DENND1A: variants seen among roughly 807,000 people sequenced by gnomAD.
DENND1A encodes the protein DENN domain containing 1A.
A neutral mutation model predicts 113.7 loss-of-function variants in DENND1A; 51 were observed. That is an observed-to-expected ratio of 0.45 (90% CI 0.36 to 0.57). DENND1A has a LOEUF of 0.57. Ranked by LOEUF, DENND1A falls within the 20% of genes least tolerant of loss-of-function variation. The pLI is 0.00. For missense variants in DENND1A, 1,258 were observed against 1,395.9 expected (o/e 0.90, Z 1.57); for synonymous variants, 565 against 570.8 (o/e 0.99, Z 0.14).
intron 11 of DENND1A, among the ~76,000 whole-genome samples, chr9:123,609,047 CCTT>C (rs2060292748): frequency 6.6e-6 from 1 of 152,174 alleles, no homozygotes; most frequent in African/African-American, 2.4e-5. Context: ...ATTTTAATTT[CCTT>C]CTTCATGATT....
intron 1 of DENND1A, among the ~76,000 whole-genome samples, chr9:123,890,110 C>T (rs777547052): frequency 6.6e-6 from 1 of 152,144 alleles, no homozygotes; most frequent in African/African-American, 2.4e-5. Context: ...TTGTCAAAAC[C>T]GTGTCAGGTA....
At position 123,382,231 on chromosome 9, in the gene DENND1A, C is replaced by A; in HGVS notation, c.2414G>T (p.Arg805Met). Residue 805 changes from arginine to methionine, a missense_variant, in exon 24 of 24, where the codon AGG (arginine) becomes ATG (methionine). Arg to Met is a moderately conservative substitution (Grantham distance 91). Transcript: ENST00000394215. ...VSERLQTDRD[R>M]RAALSPGLLP... ...GAGCCCTGGACTCAGGGCAGCTCGC[C>A]TGTCCCGATCCGTCTGCAGCCGCTC... The A allele has an allele frequency of 6.2e-7, 1 of 1,609,534 alleles. No individual in the cohort carries two copies. The highest frequency in any genetic ancestry group is 8.5e-7 in the Non-Finnish European group (1 of 1,179,532).
chr9:123,398,760 G>A (rs1413296593), intron 21 of DENND1A, among the ~76,000 whole-genome samples: 3 of 151,076 alleles, frequency 2.0e-5, no homozygotes, highest in Non-Finnish European at 4.4e-5. Flanking sequence ...TTGGGGCCTC[G>A]CAGCTGTGCG....
chr9:123,561,199 G>A (rs1034966900), intron 12 of DENND1A, among the ~76,000 whole-genome samples: 2 of 152,102 alleles, frequency 1.3e-5, no homozygotes, highest in African/African-American at 2.4e-5. Flanking sequence ...TCTTTCATTC[G>A]GGAGGTGTTT....
intron 5 of DENND1A, among the ~76,000 whole-genome samples, chr9:123,732,157 T>G (rs959137748): frequency 1.3e-5 from 2 of 152,212 alleles, no homozygotes; most frequent in Non-Finnish European, 2.9e-5. Flanking sequence ...GAACATACGC[T>G]TGGCAACATA....
At chr9:123,403,799 G>T (rs1158733346) in intron 20 of DENND1A, among the ~76,000 whole-genome samples, 2 of 152,172 alleles carry the variant, frequency 1.3e-5, no homozygotes, top group African/African-American at 4.8e-5. Context: ...CCAATGAGAT[G>T]ATGTCTACAT....
intron 5 of DENND1A, among the ~76,000 whole-genome samples, chr9:123,720,768 T>A (rs764374396): frequency 1.3e-5 from 2 of 152,224 alleles, no homozygotes; most frequent in Non-Finnish European, 2.9e-5. Flanking sequence ...CCTGCTGCCA[T>A]CCAGCATGCG....
At chr9:123,922,736 T>A (rs550931109) in intron 1 of DENND1A, among the ~76,000 whole-genome samples, 6 of 152,294 alleles carry the variant, frequency 3.9e-5, no homozygotes, top group African/African-American at 9.6e-5. Context: ...GTTCCCTATA[T>A]CTGGAATGCC....
At chr9:123,631,557 G>A (rs1024248620) in intron 9 of DENND1A, among the ~76,000 whole-genome samples, 1 of 152,134 alleles carries the variant, frequency 6.6e-6, no homozygotes, top group Non-Finnish European at 1.5e-5. Context: ...CTTCCATGAT[G>A]GTTTCTACTG....
intron 13 of DENND1A, among the ~76,000 whole-genome samples, chr9:123,553,116 G>C (rs570878307): frequency 1.2e-4 from 19 of 152,208 alleles, no homozygotes; most frequent in Non-Finnish European, 2.4e-4. Flanking sequence ...AATTAGCTGA[G>C]TTCAGTGGCA....
chr9:123,757,002 T>C (rs1412730332), intron 5 of DENND1A, among the ~76,000 whole-genome samples: 1 of 152,078 alleles, frequency 6.6e-6, no homozygotes, highest in Non-Finnish European at 1.5e-5. Flanking sequence ...GAGGGGAGCA[T>C]GGGGGATGCC....
chr9:123,697,296 A>T (rs754311667), intron 5 of DENND1A, among the ~76,000 whole-genome samples: 9 of 152,222 alleles, frequency 5.9e-5, no homozygotes, highest in Non-Finnish European at 1.3e-4. Context: ...TAGTCATACA[A>T]GACAAAATTA....
chr9:123,617,671 A>G (rs768550917), intron 10 of DENND1A, among the ~76,000 whole-genome samples: 1 of 152,240 alleles, frequency 6.6e-6, no homozygotes, highest in Non-Finnish European at 1.5e-5. Flanking sequence ...AACATCAGGA[A>G]GGGCTCCGTG....
At chr9:123,674,367 CA>C (rs1352783491) in intron 6 of DENND1A, among the ~76,000 whole-genome samples, 2 of 151,294 alleles carry the variant, frequency 1.3e-5, no homozygotes, top group Non-Finnish European at 3.0e-5. Context: ...CACACACACA[CA>C]CACACACACA....
At position 123,457,864 on chromosome 9, in the gene DENND1A, C is replaced by G; in HGVS notation, c.1027G>C (p.Val343Leu). ...ATGGCTCCGGAGCGGTAGTGGGACA[C>G]GAAGGCTTCCTCACAGAAAGTGATC... ...EPITFCEEAF[V>L]SHYRSGAMRQ... Residue 343 changes from valine (V) to leucine (L), a missense_variant, in exon 14 of 24, where the codon GTG (valine) becomes CTG (leucine). Physicochemically the swap from Val to Leu is conservative, Grantham distance 32 (BLOSUM62 1). Coordinates refer to ENST00000394215, the MANE Select transcript of DENND1A (RefSeq NM_001352964.2). 1 of 1,612,548 alleles carries G rather than the reference C, an allele frequency of 6.2e-7. No individual in the cohort carries two copies.
At chr9:123,667,953 G>A (rs2063570376) in intron 7 of DENND1A, among the ~76,000 whole-genome samples, 1 of 152,146 alleles carries the variant, frequency 6.6e-6, no homozygotes, top group African/African-American at 2.4e-5. Context: ...CCTCCTGACT[G>A]GAGACTCAGC....
At chr9:123,772,559 C>T (rs1332422250) in intron 3 of DENND1A, among the ~76,000 whole-genome samples, 3 of 152,288 alleles carry the variant, frequency 2.0e-5, no homozygotes, top group South Asian at 2.1e-4. Context: ...CCACATAAAT[C>T]GGATCTTGGG....
intron 2 of DENND1A, among the ~76,000 whole-genome samples, chr9:123,855,580 G>C (rs1460035382): frequency 6.6e-6 from 1 of 152,168 alleles, no homozygotes; most frequent in African/African-American, 2.4e-5. Flanking sequence ...AAGTGATGAG[G>C]AGCCTTCTGT....
At chr9:123,525,009 C>T (rs566034438) in intron 13 of DENND1A, among the ~76,000 whole-genome samples, 1 of 152,328 alleles carries the variant, frequency 6.6e-6, no homozygotes, top group East Asian at 1.9e-4. Context: ...TACCTCTTAT[C>T]GCTAAGGCGT....
Sources: allele counts gnomAD v4.1 joint callset (sites outside exome capture counted in the v4.1 genomes callset), GRCh38; gene constraint gnomAD v4.1.1; transcripts MANE v1.5; gene names NCBI Gene and HGNC (gene_info 2026-07-23, HGNC 2026-07-21).